The following GPHN variants were observed in gnomAD, a reference collection of about 807,000 sequenced individuals.
The protein encoded by GPHN is gephyrin.
In GPHN, 17 loss-of-function variants were observed where a neutral mutation model predicts 95.5. That is an observed-to-expected ratio of 0.18 (90% confidence interval 0.12 to 0.27). GPHN has a LOEUF of 0.27. Ranked by LOEUF, GPHN falls within the 10% of genes least tolerant of loss-of-function variation. GPHN has a pLI of 1.00. For synonymous variants in GPHN, 320 were observed against 322.5 expected, an observed-to-expected ratio of 0.99 and a Z score of 0.08; for missense variants, 660 against 978.1, an observed-to-expected ratio of 0.67 and a Z score of 4.34.
intron 1 of GPHN, among the ~76,000 whole-genome samples, chr14:66,528,902 C>G (rs1459605864): frequency 2.0e-5 from 3 of 152,152 alleles, no homozygotes; most frequent in Non-Finnish European, 2.9e-5. Flanking sequence ...AACATTTTTT[C>G]CTTCATTTCA....
chr14:66,673,344 G>A (rs941809353), intron 1 of GPHN, among the ~76,000 whole-genome samples: 24 of 151,808 alleles, frequency 1.6e-4, no homozygotes, highest in Admixed American at 1.4e-3. Context: ...CGCCCACCTC[G>A]GCCTCCCAAA....
the GPHN span, among the ~76,000 whole-genome samples, chr14:67,732,905 A>G: frequency 1.3e-5 from 2 of 152,092 alleles, no homozygotes; most frequent in Non-Finnish European, 2.9e-5. Context: ...TTCTTTTATC[A>G]GCACTGCATG....
chr14:66,873,943 C>A (rs956799548), intron 4 of GPHN, among the ~76,000 whole-genome samples: 3 of 152,212 alleles, frequency 2.0e-5, no homozygotes, highest in Admixed American at 1.3e-4. Flanking sequence ...CCCTGACCCC[C>A]ATGCCTCCTG....
chr14:66,943,066 A>G (rs188202322), intron 8 of GPHN, among the ~76,000 whole-genome samples: 4 of 152,320 alleles, frequency 2.6e-5, no homozygotes, highest in Non-Finnish European at 4.4e-5. Flanking sequence ...CTGAAAAACC[A>G]TATAATACCT....
the GPHN span, chr14:67,347,343 A>G: frequency 1.5e-6 from 2 of 1,301,292 alleles, no homozygotes; most frequent in Non-Finnish European, 2.2e-6. Flanking sequence ...TCCAGAACTT[A>G]GTTCATTTAA....
At chr14:66,631,962 T>A (rs2063831252) in intron 1 of GPHN, among the ~76,000 whole-genome samples, 1 of 152,186 alleles carries the variant, frequency 6.6e-6, no homozygotes. Flanking sequence ...ATTATCCTTC[T>A]CTTCTGCTAC....
chr14:66,605,929 T>C (rs577469833), intron 1 of GPHN, among the ~76,000 whole-genome samples: 3 of 152,256 alleles, frequency 2.0e-5, no homozygotes, highest in African/African-American at 7.2e-5. Flanking sequence ...TTTGTGAATA[T>C]TTTCTCCCAT....
intron 1 of GPHN, among the ~76,000 whole-genome samples, chr14:66,558,927 C>T (rs1008060725): frequency 6.7e-6 from 1 of 149,734 alleles, no homozygotes; most frequent in Non-Finnish European, 1.5e-5. Flanking sequence ...GTGTTGTTCC[C>T]CTTCCTGTGT....
chr14:67,679,075 A>G, the GPHN span, among the ~76,000 whole-genome samples: 1 of 152,236 alleles, frequency 6.6e-6, no homozygotes, highest in African/African-American at 2.4e-5. Context: ...GAAGCTGAGA[A>G]GTCCAAGATC....
chr14:66,710,871 G>T (rs567347037), intron 2 of GPHN, among the ~76,000 whole-genome samples: 1 of 152,202 alleles, frequency 6.6e-6, no homozygotes, highest in South Asian at 2.1e-4. Context: ...ACATGTAAAA[G>T]CTCATAGAAC....
chr14:67,322,933 G>A, the GPHN span, among the ~76,000 whole-genome samples: 2 of 152,206 alleles, frequency 1.3e-5, no homozygotes, highest in East Asian at 3.9e-4. Flanking sequence ...TTTCTTGGAT[G>A]TGCTTTTCTT....
intron 3 of GPHN, among the ~76,000 whole-genome samples, chr14:66,816,771 A>G (rs1285119749): frequency 6.6e-6 from 1 of 152,162 alleles, no homozygotes; most frequent in Non-Finnish European, 1.5e-5. Flanking sequence ...ACAAATCCCA[A>G]AGCTAGTGGA....
chr14:67,548,983 T>G, the GPHN span, among the ~76,000 whole-genome samples: 2 of 152,328 alleles, frequency 1.3e-5, no homozygotes, highest in East Asian at 3.9e-4. Flanking sequence ...CCACCTCATA[T>G]GGATTATACA....
At chr14:66,908,363 A>G (rs907206722) in intron 5 of GPHN, among the ~76,000 whole-genome samples, 6 of 152,122 alleles carry the variant, frequency 3.9e-5, no homozygotes, top group African/African-American at 1.4e-4. Context: ...CCAAAGATGT[A>G]AAAATGTGAG....
At chr14:66,920,251 C>T (rs757895994) in intron 6 of GPHN, among the ~76,000 whole-genome samples, 7 of 152,050 alleles carry the variant, frequency 4.6e-5, no homozygotes, top group Non-Finnish European at 7.4e-5. Flanking sequence ...GTAGAAATAA[C>T]GCAAGAATTA....
intron 16 of GPHN, among the ~76,000 whole-genome samples, chr14:67,120,339 T>A (rs2078951418): frequency 6.6e-6 from 1 of 152,206 alleles, no homozygotes; most frequent in African/African-American, 2.4e-5. Flanking sequence ...GGAAAAATTG[T>A]GAGTTTATTC....
At chr14:67,323,214 TATATACAC>T in the GPHN span, among the ~76,000 whole-genome samples, 1 of 119,048 alleles carries the variant, frequency 8.4e-6, no homozygotes, top group Admixed American at 1.0e-4. Flanking sequence ...TATATATACA[TATATACAC>T]ATATATACAC....
chr14:67,285,336 T>C, the GPHN span, among the ~76,000 whole-genome samples: 1 of 151,738 alleles, frequency 6.6e-6, no homozygotes, highest in Non-Finnish European at 1.5e-5. Context: ...AAATAAATGA[T>C]GCCAATCCAG....
At chr14:67,341,691 C>G in the GPHN span, among the ~76,000 whole-genome samples, 2 of 152,228 alleles carry the variant, frequency 1.3e-5, no homozygotes, top group Non-Finnish European at 2.9e-5. Context: ...GTGTACCCAA[C>G]AGCTCACTGA....
Sources: gnomAD v4.1 joint callset for allele counts (sites outside exome capture counted in the v4.1 genomes callset) on GRCh38, gnomAD v4.1.1 for gene constraint, MANE v1.5 for transcripts, NCBI Gene and HGNC (gene_info 2026-07-23, HGNC 2026-07-21) for gene names.